PLCB1: variants seen among roughly 807,000 people sequenced by gnomAD.
PLCB1 encodes the protein 1-phosphatidylinositol 4,5-bisphosphate phosphodiesterase beta-1.
In PLCB1, 46 loss-of-function variants were observed where a neutral mutation model predicts 161.8. The observed-to-expected ratio is 0.28, with a 90% confidence interval of 0.22 to 0.36. PLCB1 has a LOEUF of 0.36. PLCB1 is among the 10% of genes least tolerant of loss of function. The pLI, the probability that PLCB1 is intolerant of heterozygous loss-of-function variation, is 1.00. For synonymous variants in PLCB1, 517 were observed against 503.7 expected, an observed-to-expected ratio of 1.03 and a Z score of -0.35; for missense variants, 1,016 against 1,472.5, an observed-to-expected ratio of 0.69 and a Z score of 5.07.
intron 3 of PLCB1, among the ~76,000 whole-genome samples, chr20:8,497,576 A>G (rs1474214023): frequency 6.6e-6 from 1 of 152,212 alleles, no homozygotes; most frequent in African/African-American, 2.4e-5. Context: ...AATTAATTAT[A>G]AAAGATTTAG....
chr20:8,742,391 A>G (rs747132390), intron 23 of PLCB1, among the ~76,000 whole-genome samples: 1 of 152,176 alleles, frequency 6.6e-6, no homozygotes, highest in African/African-American at 2.4e-5. Flanking sequence ...ACTAATAGTT[A>G]TCCATTAAAT....
At chr20:8,548,085 C>CCTCCCTTT (rs1444782236) in intron 3 of PLCB1, among the ~76,000 whole-genome samples, 1 of 151,560 alleles carries the variant, frequency 6.6e-6, no homozygotes, top group Non-Finnish European at 1.5e-5. Flanking sequence ...TCCCTCCCTT[C>CCTCCCTTT]CTCCCTTTCT....
intron 3 of PLCB1, among the ~76,000 whole-genome samples, chr20:8,457,257 G>A (rs1076761): frequency 0.011 from 1,678 of 152,188 alleles, 34 homozygotes; most frequent in African/African-American, 0.039. Context: ...CATGAGCTTT[G>A]CAGGGGTCAT....
intron 2 of PLCB1, among the ~76,000 whole-genome samples, chr20:8,255,370 T>C (rs1981359564): frequency 6.6e-6 from 1 of 152,212 alleles, no homozygotes; most frequent in South Asian, 2.1e-4. Context: ...AATGTTCTAA[T>C]TGTGACTCAT....
At chr20:8,142,223 G>T (rs1201713613) in intron 1 of PLCB1, among the ~76,000 whole-genome samples, 1 of 152,174 alleles carries the variant, frequency 6.6e-6, no homozygotes, top group Admixed American at 6.5e-5. Flanking sequence ...TTCACACAGG[G>T]GAGTGTGCAG....
intron 31 of PLCB1, among the ~76,000 whole-genome samples, chr20:8,859,083 C>A (rs1440402974): frequency 6.6e-6 from 1 of 152,146 alleles, no homozygotes; most frequent in African/African-American, 2.4e-5. Context: ...TGGTGGCCTG[C>A]TACCTCTTTG....
intron 9 of PLCB1, among the ~76,000 whole-genome samples, chr20:8,681,715 TGTTATA>T (rs1600247273): frequency 6.6e-6 from 1 of 152,236 alleles, no homozygotes; most frequent in African/African-American, 2.4e-5. Context: ...TTTAAGGAAT[TGTTATA>T]GTTAGAGATT....
intron 3 of PLCB1, among the ~76,000 whole-genome samples, chr20:8,394,537 G>A (rs1462537437): frequency 2.6e-5 from 4 of 152,076 alleles, no homozygotes. Flanking sequence ...TACTCATGTG[G>A]TCACAATCAA....
At chr20:8,314,260 G>A (rs1984535354) in intron 2 of PLCB1, among the ~76,000 whole-genome samples, 1 of 152,158 alleles carries the variant, frequency 6.6e-6, no homozygotes, top group Non-Finnish European at 1.5e-5. Flanking sequence ...CATAAATAGA[G>A]GAAGGGGATA....
chr20:8,582,499 C>G (rs1466402086), intron 3 of PLCB1, among the ~76,000 whole-genome samples: 1 of 152,146 alleles, frequency 6.6e-6, no homozygotes, highest in East Asian at 1.9e-4. Flanking sequence ...TACGTCCTTG[C>G]CTAGCTGCCT....
At chr20:8,660,541 C>A (rs1443100442) in intron 9 of PLCB1, among the ~76,000 whole-genome samples, 3 of 152,086 alleles carry the variant, frequency 2.0e-5, no homozygotes, top group Non-Finnish European at 4.4e-5. Flanking sequence ...CAGGCTTCAG[C>A]TGGTATCCAA....
intron 27 of PLCB1, among the ~76,000 whole-genome samples, chr20:8,782,170 G>T (rs2146212667): frequency 6.6e-6 from 1 of 152,252 alleles, no homozygotes; most frequent in Admixed American, 6.5e-5. Flanking sequence ...ATATCTCATA[G>T]AATGATCAAG....
intron 9 of PLCB1, among the ~76,000 whole-genome samples, chr20:8,667,146 CA>C (rs1479013328): frequency 1.3e-5 from 2 of 152,098 alleles, no homozygotes; most frequent in Admixed American, 6.6e-5. Flanking sequence ...TCCCAAAAGA[CA>C]AAAACAGAGG....
At chr20:8,799,440 T>C (rs1984183811) in intron 31 of PLCB1, among the ~76,000 whole-genome samples, 1 of 152,216 alleles carries the variant, frequency 6.6e-6, no homozygotes, top group South Asian at 2.1e-4. Flanking sequence ...TCTACTTCTG[T>C]GTGCCTGTCA....
chr20:8,368,007 C>T (rs1225789183), intron 2 of PLCB1, among the ~76,000 whole-genome samples: 1 of 152,148 alleles, frequency 6.6e-6, no homozygotes, highest in African/African-American at 2.4e-5. Context: ...TGACAGTGCC[C>T]TGCGGTGGTT....
intron 1 of PLCB1, among the ~76,000 whole-genome samples, chr20:8,138,547 G>A (rs2051371010): frequency 6.6e-6 from 1 of 152,108 alleles, no homozygotes; most frequent in Non-Finnish European, 1.5e-5. Flanking sequence ...CAAATGCTCA[G>A]GCATATTTCA....
chr20:8,463,341 T>C (rs556768011), intron 3 of PLCB1, among the ~76,000 whole-genome samples: 1 of 152,312 alleles, frequency 6.6e-6, no homozygotes, highest in South Asian at 2.1e-4. Flanking sequence ...CCCTTCATTT[T>C]CTTCCCTACC....
chr20:8,145,271 G>A (rs1253216703), intron 1 of PLCB1, among the ~76,000 whole-genome samples: 1 of 152,114 alleles, frequency 6.6e-6, no homozygotes, highest in African/African-American at 2.4e-5. Context: ...GTACATGCCT[G>A]TGTCCAGATG....
intron 3 of PLCB1, among the ~76,000 whole-genome samples, chr20:8,481,626 C>T (rs183768936): frequency 8.9e-4 from 136 of 152,188 alleles, no homozygotes; most frequent in African/African-American, 3.2e-3. Context: ...GGCTAGCTTA[C>T]CTATAATAGT....
Sources: gnomAD v4.1 joint callset for allele counts (sites outside exome capture counted in the v4.1 genomes callset) on GRCh38, gnomAD v4.1.1 for gene constraint, MANE v1.5 for transcripts, NCBI Gene and HGNC (gene_info 2026-07-23, HGNC 2026-07-21) for gene names.